Variants in SLC44A5 observed in about 807,000 individuals in gnomAD.
SLC44A5 encodes solute carrier family 44 member 5.
SLC44A5 carries 57 observed loss-of-function variants against 101.8 expected under a neutral mutation model. The observed-to-expected ratio is 0.56, with a 90% CI of 0.45 to 0.70. The LOEUF (loss-of-function observed/expected upper bound fraction) is 0.70, where lower values mean the gene tolerates loss of function less well. Among genes scored for constraint, SLC44A5 ranks in the 30% least tolerant of loss-of-function variants. SLC44A5 has a pLI of 0.00. For synonymous variants in SLC44A5, 281 were observed against 290.9 expected, an observed-to-expected ratio of 0.97 and a Z score of 0.35; for missense variants, 737 against 853.1, an observed-to-expected ratio of 0.86 and a Z score of 1.70.
the SLC44A5 span, among the ~76,000 whole-genome samples, chr1:75,647,364 G>T: frequency 2.6e-5 from 4 of 152,202 alleles, no homozygotes; most frequent in Non-Finnish European, 4.4e-5. Flanking sequence ...GTTTGCTGCA[G>T]GGCAGAGCCC....
At chr1:75,477,640 GA>G (rs1320055856) in intron 2 of SLC44A5, among the ~76,000 whole-genome samples, 6 of 152,228 alleles carry the variant, frequency 3.9e-5, no homozygotes, top group Admixed American at 1.3e-4. Flanking sequence ...TCAACTGGAA[GA>G]AAGGGTATCA....
intron 1 of SLC44A5, among the ~76,000 whole-genome samples, chr1:75,543,609 A>G (rs1671476218): frequency 7.4e-6 from 1 of 135,514 alleles, no homozygotes; most frequent in Non-Finnish European, 1.7e-5. Context: ...ATATATATAT[A>G]CACACACACA....
chr1:75,514,386 T>TCCAGATGAGTCAGTGCGGTCA (rs1669717688), intron 2 of SLC44A5, among the ~76,000 whole-genome samples: 1 of 152,152 alleles, frequency 6.6e-6, no homozygotes, highest in South Asian at 2.1e-4. Flanking sequence ...GTGTTACATT[T>TCCAGATGAGTCAGTGCGGTCA]CCAGATGAGT....
At chr1:75,205,220 G>A (rs968740216) in intron 23 of SLC44A5, 1 of 152,110 alleles carries the variant, frequency 6.6e-6, no homozygotes, top group Non-Finnish European at 1.5e-5. Context: ...GTCTACACTT[G>A]AAGATAATTA....
intron 1 of SLC44A5, among the ~76,000 whole-genome samples, chr1:75,610,516 G>A (rs1167212733): frequency 1.3e-5 from 2 of 152,082 alleles, no homozygotes; most frequent in African/African-American, 4.8e-5. Context: ...TCCCCAAAAT[G>A]AGCAACATAA....
chr1:75,502,939 C>T (rs886101480), intron 2 of SLC44A5, among the ~76,000 whole-genome samples: 1 of 152,064 alleles, frequency 6.6e-6, no homozygotes, highest in Non-Finnish European at 1.5e-5. Flanking sequence ...ACCACTCAAC[C>T]GCTCATGAGC....
intron 4 of SLC44A5, among the ~76,000 whole-genome samples, chr1:75,318,973 T>C (rs1655931644): frequency 6.6e-6 from 1 of 152,084 alleles, no homozygotes; most frequent in Non-Finnish European, 1.5e-5. Context: ...CCCCAGCTCA[T>C]ATTTTCAAGG....
At chr1:75,260,808 A>T (rs1365278996) in intron 6 of SLC44A5, among the ~76,000 whole-genome samples, 1 of 152,160 alleles carries the variant, frequency 6.6e-6, no homozygotes, top group East Asian at 1.9e-4. Context: ...AAAGAACAGA[A>T]ATCATAACAA....
At chr1:75,609,951 CG>C (rs1041482051) in intron 1 of SLC44A5, among the ~76,000 whole-genome samples, 190 of 151,878 alleles carry the variant, frequency 1.3e-3, no homozygotes, top group Non-Finnish European at 2.4e-3. Flanking sequence ...AGCTCTGGGT[CG>C]GGGCTATCAT....
intron 3 of SLC44A5, among the ~76,000 whole-genome samples, chr1:75,349,398 G>C (rs569584901): frequency 6.6e-6 from 1 of 152,128 alleles, no homozygotes; most frequent in Non-Finnish European, 1.5e-5. Flanking sequence ...GATGGAATGC[G>C]ATGTTCTAAC....
At chr1:75,315,979 C>T (rs1480921948) in intron 4 of SLC44A5, among the ~76,000 whole-genome samples, 1 of 152,212 alleles carries the variant, frequency 6.6e-6, no homozygotes, top group African/African-American at 2.4e-5. Flanking sequence ...GTTGAAGCCT[C>T]ATCATCTCTT....
chr1:75,649,218 A>T, the SLC44A5 span, among the ~76,000 whole-genome samples: 2 of 152,184 alleles, frequency 1.3e-5, no homozygotes, highest in East Asian at 3.8e-4. Context: ...GGGCAGTTCA[A>T]ATGAGAAATC....
At chr1:75,439,064 C>T (rs900278694) in intron 2 of SLC44A5, among the ~76,000 whole-genome samples, 4 of 152,060 alleles carry the variant, frequency 2.6e-5, no homozygotes, top group Admixed American at 2.0e-4. Flanking sequence ...GAAGGTGGGG[C>T]CTAATGGGAG....
At chr1:75,434,925 G>A (rs1254722635) in intron 2 of SLC44A5, among the ~76,000 whole-genome samples, 1 of 152,056 alleles carries the variant, frequency 6.6e-6, no homozygotes, top group African/African-American at 2.4e-5. Context: ...ACTTCCACAT[G>A]GCCCACACTG....
the SLC44A5 span, among the ~76,000 whole-genome samples, chr1:75,685,803 C>T: frequency 6.6e-6 from 1 of 152,120 alleles, no homozygotes; most frequent in South Asian, 2.1e-4. Context: ...AGCAGCACTC[C>T]ACTCTTCTGT....
intron 9 of SLC44A5, among the ~76,000 whole-genome samples, chr1:75,240,762 TC>T (rs1648552772): frequency 6.6e-6 from 1 of 151,974 alleles, no homozygotes; most frequent in African/African-American, 2.4e-5. Context: ...ATGCCTTTCC[TC>T]CTTTTTAAGA....
At chr1:75,683,118 G>T in the SLC44A5 span, among the ~76,000 whole-genome samples, 2 of 151,870 alleles carry the variant, frequency 1.3e-5, no homozygotes, top group Non-Finnish European at 2.9e-5. Context: ...AGGTGCTGGA[G>T]AGGATGTGGA....
chr1:75,421,269 G>A (rs1663986015), intron 2 of SLC44A5, among the ~76,000 whole-genome samples: 1 of 151,836 alleles, frequency 6.6e-6, no homozygotes, highest in African/African-American at 2.4e-5. Flanking sequence ...AGCCAATCTA[G>A]GACTAGGAAC....
chr1:75,241,523 T>C (rs1277177186), intron 9 of SLC44A5, among the ~76,000 whole-genome samples: 1 of 151,968 alleles, frequency 6.6e-6, no homozygotes. Flanking sequence ...CCTGGCCTCA[T>C]TTTGTCCACA....
Sources: allele counts gnomAD v4.1 joint callset (sites outside exome capture counted in the v4.1 genomes callset), GRCh38; gene constraint gnomAD v4.1.1; transcripts MANE v1.5; gene names NCBI Gene and HGNC (gene_info 2026-07-23, HGNC 2026-07-21).